IL4R: variants seen among roughly 807,000 people sequenced by gnomAD.
IL4R encodes the protein interleukin-4 receptor subunit alpha.
IL4R carries 17 observed loss-of-function variants against 41.5 expected under a neutral mutation model. The observed-to-expected ratio is 0.41, with a 90% CI of 0.28 to 0.61. The LOEUF (loss-of-function observed/expected upper bound fraction) is 0.61. IL4R is among the 20% of genes least tolerant of loss of function. IL4R has a pLI of 0.31. For missense variants in IL4R, 974 were observed against 1,043.1 expected (o/e 0.93, Z 0.91); for synonymous variants, 402 against 422.9 (o/e 0.95, Z 0.61).
chr16:27,348,516 T>C (rs1001132671), intron 6 of IL4R, among the ~76,000 whole-genome samples: 1 of 152,258 alleles, frequency 6.6e-6, no homozygotes, highest in Non-Finnish European at 1.5e-5. Context: ...TATTCTGTAC[T>C]GGCTTCGTTT....
intron 7 of IL4R, chr16:27,354,139 C>T (rs2085973011): frequency 6.6e-6 from 1 of 152,230 alleles, no homozygotes; most frequent in Non-Finnish European, 1.5e-5. Context: ...AACCTACATC[C>T]CAGAAACAAC....
At chr16:27,346,217 C>G (rs1337611171) in intron 5 of IL4R, among the ~76,000 whole-genome samples, 1 of 152,038 alleles carries the variant, frequency 6.6e-6, no homozygotes, top group Admixed American at 6.6e-5. Flanking sequence ...AGAGTGGGAC[C>G]CTGTCTCAAA....
chr16:27,325,846 C>T (rs554662362), intron 1 of IL4R, among the ~76,000 whole-genome samples: 6 of 152,210 alleles, frequency 3.9e-5, no homozygotes, highest in African/African-American at 9.6e-5. Flanking sequence ...CTAACAGCCT[C>T]CTCTGCTAAT....
At chr16:27,330,653 A>G (rs1259051998) in intron 2 of IL4R, among the ~76,000 whole-genome samples, 1 of 152,104 alleles carries the variant, frequency 6.6e-6, no homozygotes, top group Non-Finnish European at 1.5e-5. Context: ...GCACAGTTCT[A>G]TCATCACAAG....
intron 3 of IL4R, among the ~76,000 whole-genome samples, chr16:27,340,488 C>T (rs968517480): frequency 2.0e-5 from 3 of 151,978 alleles, no homozygotes; most frequent in Non-Finnish European, 4.4e-5. Context: ...TTCAGGAGGC[C>T]GAGGCAGGAG....
chr16:27,327,779 G>A (rs1365170996), intron 1 of IL4R, among the ~76,000 whole-genome samples: 2 of 152,030 alleles, frequency 1.3e-5, no homozygotes, highest in African/African-American at 2.4e-5. Flanking sequence ...GAATGTTAAT[G>A]GCACCTACCT....
In IL4R at chr16:27,362,557, T is replaced by C. The variant is rs747391679; in HGVS notation, c.1205T>C (p.Ile402Thr). Residue 402 changes from isoleucine to threonine, a missense_variant, in exon 11 of 11, where the codon ATT (isoleucine) becomes ACT (threonine). Coordinates refer to ENST00000395762, the MANE Select transcript of IL4R (RefSeq NM_000418.4). The stretch of plus-strand genomic sequence containing the variant: ...GACTTCCAGGAGGGAAGGGAGGGCA[T>C]TGTGGCCCGGCTAACAGAGAGCCTG... ...RDDFQEGREG[I>T]VARLTESLFL... The C allele has an allele frequency of 5.6e-6, 9 of 1,613,964 alleles. No individual in the cohort carries two copies. The highest frequency in any genetic ancestry group is 1.7e-5 in the Admixed American group (1 of 60,006).
intron 1 of IL4R, among the ~76,000 whole-genome samples, chr16:27,314,403 G>T (rs1276812939): frequency 6.6e-6 from 1 of 152,264 alleles, no homozygotes; most frequent in African/African-American, 2.4e-5. Context: ...ACTTCGGAGA[G>T]AGAAAGGGTG....
chr16:27,357,619 A>ACACCCAGCT (rs1239139712), intron 8 of IL4R, among the ~76,000 whole-genome samples: 1 of 151,810 alleles, frequency 6.6e-6, no homozygotes, highest in African/African-American at 2.4e-5. Flanking sequence ...GTGTGCCACG[A>ACACCCAGCT]CACCCAGCTA....
chr16:27,321,323 G>A (rs1290173214), intron 1 of IL4R, among the ~76,000 whole-genome samples: 1 of 152,080 alleles, frequency 6.6e-6, no homozygotes, highest in Non-Finnish European at 1.5e-5. Flanking sequence ...CTCCAAACTC[G>A]GATACTTCTC....
intron 6 of IL4R, among the ~76,000 whole-genome samples, chr16:27,350,876 G>A (rs113721336): frequency 9.9e-5 from 15 of 152,176 alleles, no homozygotes; most frequent in Non-Finnish European, 1.5e-5. Flanking sequence ...GCAGGCAGAG[G>A]GCATGTGCAT....
chr16:27,326,154 G>T (rs1216646073), intron 1 of IL4R, among the ~76,000 whole-genome samples: 1 of 152,010 alleles, frequency 6.6e-6, no homozygotes, highest in Non-Finnish European at 1.5e-5. Context: ...TTCTACCCGT[G>T]CCCCCACCAC....
rs574261130 is a variant in IL4R, at chr16:27,347,537, C to T, written c.513+919C>T. Among the ~76,000 whole-genome samples, 7 of 152,250 alleles carry T rather than the reference C, an allele frequency of 4.6e-5. No homozygotes were observed. In the East Asian group the frequency reaches 5.8e-4, roughly 13 times the overall value. On this transcript the variant is annotated intron_variant, in intron 6 of 10. Transcript: ENST00000395762. Reference sequence around the variant, plus strand: ...CATGTATTGACATCTTTAAAAAGGGCGAGAGGATTTACAGGAAACTATCAG... The same window carrying T: ...CATGTATTGACATCTTTAAAAAGGGTGAGAGGATTTACAGGAAACTATCAG...
rs764362382 is a variant in IL4R at position 27,363,454 on chromosome 16, A to G, written c.2102A>G (p.Asp701Gly). The G allele has an allele frequency of 1.2e-6, 2 of 1,613,600 alleles. No homozygotes were observed. Among genetic ancestry groups the G allele is most frequent in the Non-Finnish European group, 1.7e-6 (2 of 1,179,904 alleles). Residue 701 changes from aspartate to glycine, a missense_variant, in exon 11 of 11, where the codon GAC becomes GGC. By Grantham distance (94) the Asp-to-Gly change is moderately conservative. Transcript: ENST00000395762. ...CCACTTCCCCAGGAGCAGGCCACAG[A>G]CCCCCTTGTGGACAGCCTGGGCAGT... The part of the protein sequence containing the change: ...KPPLPQEQAT[D>G]PLVDSLGSGI...
chr16:27,337,897 T>C, intron 2 of IL4R, among the ~76,000 whole-genome samples: 1 of 150,656 alleles, frequency 6.6e-6, no homozygotes, highest in East Asian at 1.9e-4. Flanking sequence ...GTACCAGGAG[T>C]GCTGGGGAAA....
Position 27,355,912 on chromosome 16 carries a change from G to A in IL4R, c.770+5G>A. ...GTGCTATGTCAGCATCACCAAGTGAGTCCTGGGCCCAGTGCTGCCGAGCAG... is the reference window on the plus strand; with the variant it reads ...GTGCTATGTCAGCATCACCAAGTGAATCCTGGGCCCAGTGCTGCCGAGCAG... On this transcript the variant is annotated splice_donor_5th_base_variant and intron_variant, in intron 8 of 10. Coordinates refer to ENST00000395762, the MANE Select transcript of IL4R (RefSeq NM_000418.4). 2 of 1,606,440 alleles carry A rather than the reference G, an allele frequency of 1.2e-6. No homozygotes were observed. Among genetic ancestry groups the A allele is most frequent in the Non-Finnish European group, 1.7e-6 (2 of 1,174,100 alleles).
chr16:27,362,190 A>G, intron 10 of IL4R, 62 bp from the exon 11 acceptor site: 1 of 1,546,044 alleles, frequency 6.5e-7, no homozygotes, highest in Non-Finnish European at 8.8e-7. Context: ...CTGGGCTTTG[A>G]AGAATGAATA....
chr16:27,335,284 T>G (rs2085230834), intron 2 of IL4R, among the ~76,000 whole-genome samples: 1 of 152,176 alleles, frequency 6.6e-6, no homozygotes, highest in Non-Finnish European at 1.5e-5. Context: ...ATATGTATTT[T>G]CACTCATTAG....
chr16:27,363,022 A>G lies in IL4R; in HGVS notation c.1670A>G (p.Asn557Ser), dbSNP rs750789838. 1.1e-5 allele frequency: 18 copies of G among 1,614,022 alleles called. No individual in the cohort carries two copies. Among genetic ancestry groups the G allele is most frequent in the Non-Finnish European group, 1.5e-5 (18 of 1,180,032 alleles). Residue 557 changes from asparagine to serine, a missense_variant, in exon 11 of 11, where the codon AAT becomes AGT. This residue lies in a region of IL4R where 682 missense variants were observed against 704.3 expected (regional missense o/e 0.97). Coordinates refer to ENST00000395762, the MANE Select transcript of IL4R (RefSeq NM_000418.4). ...ACCTGGGAGCAGATCCTCCGCCGAA[A>G]TGTCCTCCAGCATGGGGCAGCTGCA... The part of the protein sequence containing the change: ...PETWEQILRR[N>S]VLQHGAAAAP...
Sources: gnomAD v4.1 joint callset for allele counts (sites outside exome capture counted in the v4.1 genomes callset) on GRCh38, gnomAD v4.1.1 for gene constraint, gnomAD v4.1.1 regional missense constraint, MANE v1.5 for transcripts, NCBI Gene and HGNC (gene_info 2026-07-23, HGNC 2026-07-21) for gene names.